Variants in COL14A1 observed in about 807,000 individuals in gnomAD.
COL14A1 encodes the protein collagen type XIV alpha 1 chain, also known as collagen alpha-1(XIV) chain.
Under a neutral mutation model 230.3 loss-of-function variants are expected in COL14A1, and 136 were observed. The observed-to-expected ratio is 0.59, with a 90% confidence interval of 0.51 to 0.68. The LOEUF (loss-of-function observed/expected upper bound fraction) is 0.68. Ranked by LOEUF, COL14A1 falls within the 30% of genes least tolerant of loss-of-function variation. The pLI, the probability that COL14A1 is intolerant of heterozygous loss-of-function variation, is 0.00. For synonymous variants in COL14A1, 792 were observed against 784.1 expected (o/e 1.01, Z -0.17); for missense variants, 1,976 against 2,215.8 (o/e 0.89, Z 2.17).
At chr8:120,319,394 C>T in intron 40 of COL14A1, among the ~76,000 whole-genome samples, 1 of 151,918 alleles carries the variant, frequency 6.6e-6, no homozygotes, top group East Asian at 1.9e-4. Context: ...AGGGTGGTCT[C>T]AAACACCTGG....
chr8:120,332,199 G>C lies in COL14A1; in HGVS notation c.4713+5G>C. On this transcript the variant is annotated splice_donor_5th_base_variant and intron_variant, in intron 41 of 47. Transcript: ENST00000297848. Reference sequence around the variant, plus strand: ...CCAGGACCACCAGGGCCAATAGTAAGCCTTTCCAGAAACTACTGGGACATA... The same window carrying C: ...CCAGGACCACCAGGGCCAATAGTAACCCTTTCCAGAAACTACTGGGACATA... The C allele has an allele frequency of 6.2e-7, 1 of 1,613,734 alleles. No homozygotes were observed. The highest frequency in any genetic ancestry group is 8.5e-7 in the Non-Finnish European group (1 of 1,179,702).
At chr8:120,231,798 C>A in intron 19 of COL14A1, 180 bp downstream of exon 19, 2 of 596,680 alleles carry the variant, frequency 3.4e-6, no homozygotes, top group South Asian at 2.9e-5. Flanking sequence ...CTTTATAAAT[C>A]CAAAACTTGC....
At chr8:120,354,269 A>T (rs1822894312) in intron 45 of COL14A1, among the ~76,000 whole-genome samples, 1 of 113,142 alleles carries the variant, frequency 8.8e-6, no homozygotes, top group Non-Finnish European at 1.8e-5. Context: ...GAGGGATAGC[A>T]TTGGGAGATA....
intron 36 of COL14A1, among the ~76,000 whole-genome samples, chr8:120,308,027 G>A (rs1820905863): frequency 6.6e-6 from 1 of 152,194 alleles, no homozygotes; most frequent in African/African-American, 2.4e-5. Flanking sequence ...TGTCGCTTAG[G>A]CTGGGGTGCA....
chr8:120,167,469 T>C (rs1350448880), intron 4 of COL14A1, among the ~76,000 whole-genome samples: 1 of 152,218 alleles, frequency 6.6e-6, no homozygotes, highest in East Asian at 1.9e-4. Context: ...CAGCCTGAGG[T>C]GCTATTTGGC....
At chr8:120,321,507 G>A (rs1350031567) in intron 40 of COL14A1, among the ~76,000 whole-genome samples, 1 of 152,038 alleles carries the variant, frequency 6.6e-6, no homozygotes, top group African/African-American at 2.4e-5. Context: ...GCTTGGCATG[G>A]TGGCACGAGC....
chr8:120,347,738 C>T (rs112901082), intron 45 of COL14A1, among the ~76,000 whole-genome samples: 9 of 152,210 alleles, frequency 5.9e-5, no homozygotes, highest in Admixed American at 1.3e-4. Flanking sequence ...CAAAGTCAGC[C>T]AACATCAAGA....
intron 36 of COL14A1, among the ~76,000 whole-genome samples, chr8:120,307,992 A>T (rs1220677602): frequency 6.6e-6 from 1 of 152,180 alleles, no homozygotes; most frequent in African/African-American, 2.4e-5. Flanking sequence ...TTTAATTTTT[A>T]ATTTTTTGAG....
At chr8:120,283,587 CT>C in intron 31 of COL14A1, 48 bp from the exon 32 acceptor site, 1 of 1,542,374 alleles carries the variant, frequency 6.5e-7, no homozygotes, top group Admixed American at 2.3e-5. Context: ...AAAGGAGTAA[CT>C]TTTTTGAGGA....
chr8:120,203,267 A>C (rs1399994151), intron 8 of COL14A1, among the ~76,000 whole-genome samples: 1 of 151,824 alleles, frequency 6.6e-6, no homozygotes, highest in Non-Finnish European at 1.5e-5. Flanking sequence ...GTTCCTCTTT[A>C]AAGTGGCAGA....
At chr8:120,239,978 T>C (rs1388311800) in intron 19 of COL14A1, among the ~76,000 whole-genome samples, 3 of 152,068 alleles carry the variant, frequency 2.0e-5, no homozygotes, top group African/African-American at 7.2e-5. Context: ...AAAATAATAA[T>C]AATATTTACT....
intron 4 of COL14A1, among the ~76,000 whole-genome samples, chr8:120,165,976 TTC>T (rs1367291006): frequency 6.6e-6 from 1 of 152,062 alleles, no homozygotes; most frequent in African/African-American, 2.4e-5. Flanking sequence ...CAGGCATGAG[TTC>T]CAGGAGGTCA....
intron 1 of COL14A1, among the ~76,000 whole-genome samples, chr8:120,140,023 A>C (rs943238842): frequency 6.6e-6 from 1 of 151,940 alleles, no homozygotes; most frequent in Non-Finnish European, 1.5e-5. Context: ...CAGAGATCCT[A>C]AAAAAAACCC....
At chr8:120,140,786 G>A (rs920403316) in intron 1 of COL14A1, among the ~76,000 whole-genome samples, 17 of 152,188 alleles carry the variant, frequency 1.1e-4, no homozygotes, top group East Asian at 3.9e-4. Context: ...GCCTTTGCTC[G>A]TTATTAAACT....
intron 1 of COL14A1, among the ~76,000 whole-genome samples, chr8:120,146,201 CTT>C (rs1196116720): frequency 6.6e-6 from 1 of 152,124 alleles, no homozygotes; most frequent in Non-Finnish European, 1.5e-5. Context: ...TTGGAGTAGT[CTT>C]TACATACAGC....
At chr8:120,127,164 T>C (rs1814370920) in intron 1 of COL14A1, among the ~76,000 whole-genome samples, 5 of 152,180 alleles carry the variant, frequency 3.3e-5, no homozygotes, top group Admixed American at 3.3e-4. Context: ...AAGAATACAA[T>C]ATGTGGTCCT....
intron 5 of COL14A1, among the ~76,000 whole-genome samples, chr8:120,195,379 A>G (rs1320678543): frequency 6.6e-6 from 1 of 152,158 alleles, no homozygotes; most frequent in Non-Finnish European, 1.5e-5. Context: ...ACCCAGCCCC[A>G]AACCCCTCTG....
chr8:120,124,665 CCT>C (rs1814258283), upstream of COL14A1, among the ~76,000 whole-genome samples: 1 of 152,062 alleles, frequency 6.6e-6, no homozygotes, highest in Non-Finnish European at 1.5e-5. Context: ...TCGAAGGGGG[CCT>C]TTATAGTGGA....
chr8:120,179,036 T>C (rs1446887165), intron 5 of COL14A1, among the ~76,000 whole-genome samples: 1 of 152,174 alleles, frequency 6.6e-6, no homozygotes, highest in African/African-American at 2.4e-5. Context: ...GCCTGTTCAC[T>C]CTGATGATAG....
Sources: allele counts gnomAD v4.1 joint callset (sites outside exome capture counted in the v4.1 genomes callset), GRCh38; gene constraint gnomAD v4.1.1; transcripts MANE v1.5; gene names NCBI Gene and HGNC (gene_info 2026-07-23, HGNC 2026-07-21).